The following TPCN2 variants were observed in gnomAD, a reference collection of about 807,000 sequenced individuals.
The protein encoded by TPCN2 is two pore segment channel 2.
A neutral mutation model predicts 111.4 loss-of-function variants in TPCN2; 92 were observed. That is an observed-to-expected ratio of 0.83 (90% CI 0.70 to 0.98). The LOEUF is 0.98. TPCN2 is among the 50% of genes least tolerant of loss of function. The probability of loss-of-function intolerance (pLI) is 0.00; values close to 1 mark genes in which losing one functional copy is unlikely to be tolerated. For missense variants in TPCN2, 995 were observed against 980.1 expected (o/e 1.02, Z -0.20); for synonymous variants, 405 against 414.5 (o/e 0.98, Z 0.28).
At chr11:69,051,261 CTT>C (rs1450654524) in intron 1 of TPCN2, among the ~76,000 whole-genome samples, 1 of 152,234 alleles carries the variant, frequency 6.6e-6, no homozygotes, top group South Asian at 2.1e-4. Context: ...GTTGTTTTCT[CTT>C]GTTGCTGGGT....
At chr11:69,062,812 C>G (rs1031133005) in intron 5 of TPCN2, 72 bp from the exon 6 acceptor site, 1 of 1,424,266 alleles carries the variant, frequency 7.0e-7, no homozygotes, top group Non-Finnish European at 9.9e-7. Flanking sequence ...AACCGTGTGC[C>G]CATCTGGGAT....
intron 18 of TPCN2, among the ~76,000 whole-genome samples, chr11:69,082,690 A>G (rs1856081414): frequency 8.1e-6 from 1 of 122,806 alleles, no homozygotes; most frequent in South Asian, 3.1e-4. Context: ...TGTAAGACGC[A>G]TGATCGTGTG....
intron 17 of TPCN2, 104 bp from the exon 18 acceptor site, chr11:69,081,296 T>G: frequency 2.8e-6 from 2 of 710,232 alleles, no homozygotes; most frequent in Non-Finnish European, 4.8e-6. Flanking sequence ...CGTCATGCCC[T>G]GTTGCCCTCC....
intron 4 of TPCN2, among the ~76,000 whole-genome samples, chr11:69,056,708 A>G (rs965095219): frequency 4.0e-5 from 6 of 151,030 alleles, no homozygotes; most frequent in African/African-American, 1.2e-4. Context: ...AATTTTTTGT[A>G]TTTTTAGTAG....
chr11:69,078,798 G>A lies in TPCN2; in HGVS notation c.1410+5G>A. 6.2e-7 allele frequency: 1 copy of A among 1,614,128 alleles called. No homozygotes were observed. The highest frequency in any genetic ancestry group is 2.2e-5 in the East Asian group (1 of 44,890). ...CGTGATGACTTCATCCTGGGGGTAA[G>A]TTCTGAGCTGTCCACCTGTCAGGGC... On this transcript the variant is annotated splice_donor_5th_base_variant and intron_variant, in intron 15 of 24. Coordinates refer to ENST00000294309, the MANE Select transcript of TPCN2 (RefSeq NM_139075.4).
In TPCN2 at chr11:69,087,935, C is replaced by T. The variant is rs1188693738; in HGVS notation, c.2241C>T (p.His747=). 6.2e-7 allele frequency: 1 copy of T among 1,610,680 alleles called. No individual in the cohort carries two copies. The change falls in exon 25 of 25, where the codon CAC becomes CAT. Residue 747 remains histidine, a synonymous_variant. Coordinates refer to ENST00000294309, the MANE Select transcript of TPCN2 (RefSeq NM_139075.4). The stretch of plus-strand genomic sequence containing the variant: ...CAGAGAGGCTGAGCCAGCACCCGCA[C>T]CTGTGGCTGTGCAGGTGACGTCCGG... The part of the protein sequence containing the change: ...ELTERLSQHP[H]LWLCR
chr11:69,052,587 G>A (rs1215531991), intron 1 of TPCN2, among the ~76,000 whole-genome samples: 1 of 152,140 alleles, frequency 6.6e-6, no homozygotes, highest in Non-Finnish European at 1.5e-5. Context: ...CAGTGCAGCA[G>A]GGCCGGGCAG....
At position 69,072,973 on chromosome 11, in the gene TPCN2, A is replaced by T. The variant is rs1289644643; in HGVS notation, c.1202A>T (p.Asn401Ile). The stretch of plus-strand genomic sequence containing the variant: ...GCTGAGGAGTTTCAGAAGCTCTTCA[A>T]CGAGCTTGACAGAAGTGTGGTTAAA... The part of the protein sequence containing the change: ...LSAEEFQKLF[N>I]ELDRSVVKEH... The change falls in exon 13 of 25, where the codon AAC becomes ATC. Residue 401 changes from asparagine (N) to isoleucine (I), a missense_variant. Physicochemically the swap from Asn to Ile is moderately radical, Grantham distance 149. Transcript: ENST00000294309. The T allele has an allele frequency of 1.2e-6, 2 of 1,613,892 alleles. No homozygotes were observed. Among genetic ancestry groups the T allele is most frequent in the Non-Finnish European group, 1.7e-6 (2 of 1,179,882 alleles).
intron 19 of TPCN2, chr11:69,084,941 G>C: frequency 2.3e-6 from 1 of 443,548 alleles, no homozygotes; most frequent in Non-Finnish European, 3.0e-6. Context: ...CCCTAACTGT[G>C]GCTGCCAGGG....
chr11:69,054,598 C>G, intron 2 of TPCN2, 123 bp from the exon 3 acceptor site: 1 of 921,016 alleles, frequency 1.1e-6, no homozygotes, highest in Non-Finnish European at 1.7e-6. Context: ...TGTCCACACG[C>G]TGAAGCGTCC....
At chr11:69,072,275 T>C (rs1482822057) in intron 11 of TPCN2, among the ~76,000 whole-genome samples, 5 of 152,224 alleles carry the variant, frequency 3.3e-5, no homozygotes, top group Non-Finnish European at 4.4e-5. Context: ...CCGGCCTTCT[T>C]GTCCCCCTTT....
intron 8 of TPCN2, 69 bp downstream of exon 8, chr11:69,067,674 C>T: frequency 6.8e-7 from 1 of 1,478,934 alleles, no homozygotes; most frequent in Non-Finnish European, 9.4e-7. Context: ...GTTTGGGCTG[C>T]TGAGCCTTAG....
At position 69,072,975 on chromosome 11, in the gene TPCN2, G is replaced by A. The variant is rs1211217067; in HGVS notation, c.1204G>A (p.Glu402Lys). The A allele has an allele frequency of 1.2e-6, 2 of 1,613,692 alleles. No homozygotes were observed. The highest frequency in any genetic ancestry group is 1.3e-5 in the African/African-American group (1 of 74,920). ...TGAGGAGTTTCAGAAGCTCTTCAAC[G>A]AGCTTGACAGAAGTGTGGTTAAAGA... ...SAEEFQKLFN[E>K]LDRSVVKEHP... The change falls in exon 13 of 25, where the codon GAG (glutamate) becomes AAG (lysine). Residue 402 changes from glutamate (E) to lysine (K), a missense_variant. Transcript: ENST00000294309.
chr11:69,073,675 G>T (rs1417102968), intron 13 of TPCN2, among the ~76,000 whole-genome samples: 1 of 152,250 alleles, frequency 6.6e-6, no homozygotes, highest in African/African-American at 2.4e-5. Context: ...CTGGCCGTCA[G>T]TCCAAGGCCA....
At chr11:69,087,627 G>T (rs1856338214) in intron 24 of TPCN2, among the ~76,000 whole-genome samples, 2 of 152,176 alleles carry the variant, frequency 1.3e-5, no homozygotes, top group African/African-American at 4.8e-5. Flanking sequence ...GGGCTGCCGA[G>T]TTGCTGCAGC....
chr11:69,078,409 G>A (rs1855878733), intron 13 of TPCN2, 73 bp from the exon 14 acceptor site: 2 of 1,589,656 alleles, frequency 1.3e-6, no homozygotes, highest in African/African-American at 2.7e-5. Context: ...GAATAAGAGG[G>A]TGTGAGCATT....
chr11:69,085,063 G>T, intron 19 of TPCN2, 147 bp from the exon 20 acceptor site: 1 of 838,530 alleles, frequency 1.2e-6, no homozygotes, highest in East Asian at 2.6e-5. Context: ...CGTGTGTTTT[G>T]AAGTAGCAGC....
At chr11:69,076,445 C>G (rs6591371) in intron 13 of TPCN2, among the ~76,000 whole-genome samples, 131,006 of 150,058 alleles carry the variant, frequency 0.87, 58,698 homozygotes, top group Non-Finnish European at 0.99. Context: ...GCTGTAGGTC[C>G]CCTGGGGACT....
At chr11:69,059,497 G>A (rs1358871114) in intron 5 of TPCN2, among the ~76,000 whole-genome samples, 2 of 152,216 alleles carry the variant, frequency 1.3e-5, no homozygotes, top group Admixed American at 6.5e-5. Context: ...GGTCCTGGCT[G>A]GGGGAGAGAC....
Sources: allele counts gnomAD v4.1 joint callset (sites outside exome capture counted in the v4.1 genomes callset), GRCh38; gene constraint gnomAD v4.1.1; transcripts MANE v1.5; gene names NCBI Gene and HGNC (gene_info 2026-07-23, HGNC 2026-07-21).